The following AOAH variants were observed in gnomAD, a reference collection of about 807,000 sequenced individuals.
The protein encoded by AOAH is acyloxyacyl hydrolase (neutrophil).
Under a neutral mutation model 92.2 loss-of-function variants are expected in AOAH, and 64 were observed. That is an observed-to-expected ratio of 0.69 (90% CI 0.57 to 0.86). AOAH has a LOEUF of 0.86. Ranked by LOEUF, AOAH falls within the 40% of genes least tolerant of loss-of-function variation. AOAH has a pLI of 0.00. For synonymous variants in AOAH, 263 were observed against 254.5 expected (o/e 1.03, Z -0.32); for missense variants, 656 against 694.6 (o/e 0.94, Z 0.62).
chr7:36,660,594 G>C (rs1372358233), intron 3 of AOAH, among the ~76,000 whole-genome samples: 1 of 152,216 alleles, frequency 6.6e-6, no homozygotes, highest in Non-Finnish European at 1.5e-5. Flanking sequence ...TGGGATTATA[G>C]GCATGAGCCA....
intron 2 of AOAH, among the ~76,000 whole-genome samples, chr7:36,674,438 C>G (rs1796116232): frequency 6.6e-6 from 1 of 152,184 alleles, no homozygotes; most frequent in Admixed American, 6.5e-5. Context: ...AAATACTTCA[C>G]TTGGGGTCCT....
At chr7:36,723,778 C>T (rs1038793799) in intron 1 of AOAH, among the ~76,000 whole-genome samples, 2 of 152,062 alleles carry the variant, frequency 1.3e-5, no homozygotes, top group African/African-American at 2.4e-5. Context: ...AAATTCCAAT[C>T]GCCAATGAGG....
chr7:36,553,001 G>T (rs1462238903), intron 13 of AOAH, among the ~76,000 whole-genome samples: 1 of 149,964 alleles, frequency 6.7e-6, no homozygotes, highest in Non-Finnish European at 1.5e-5. Context: ...TAAGTTTTAG[G>T]GTACATGTGC....
intron 1 of AOAH, among the ~76,000 whole-genome samples, chr7:36,714,881 G>A (rs1299350921): frequency 2.0e-5 from 3 of 152,132 alleles, no homozygotes; most frequent in East Asian, 3.9e-4. Flanking sequence ...ATACTGAATG[G>A]GCAAAAACTG....
At chr7:36,700,929 G>A (rs1797990796) in intron 1 of AOAH, among the ~76,000 whole-genome samples, 1 of 151,996 alleles carries the variant, frequency 6.6e-6, no homozygotes, top group Non-Finnish European at 1.5e-5. Flanking sequence ...TTTCTCTGAA[G>A]ATTAGTGATG....
intron 11 of AOAH, among the ~76,000 whole-genome samples, chr7:36,604,807 C>G (rs1172865150): frequency 6.6e-6 from 1 of 151,978 alleles, no homozygotes; most frequent in Non-Finnish European, 1.5e-5. Context: ...GACTCTGTGA[C>G]CACAGCTGAG....
rs1482618250 is a variant in AOAH at position 36,516,055 on chromosome 7, CACACACT to C, written c.1600-2682_1600-2676del. 6.8e-6 allele frequency among the ~76,000 whole-genome samples: 1 copy of C among 146,540 alleles called. No homozygotes were observed. The highest frequency in any genetic ancestry group is 2.1e-4 in the East Asian group (1 of 4,782). On this transcript the variant is annotated intron_variant, in intron 20 of 20. Transcript: ENST00000617537. This position sits in a 1 kb window ranked among gnomAD's most constrained non-coding sequence, Gnocchi z 5.0. ...ATAAATACGTCACACACACACACAC[CACACACT>C]ACACACACCACACGCCACATACACA...
chr7:36,674,476 T>C (rs951686908), intron 2 of AOAH, among the ~76,000 whole-genome samples: 2 of 152,208 alleles, frequency 1.3e-5, no homozygotes, highest in Non-Finnish European at 2.9e-5. Flanking sequence ...ATCCCAGAGG[T>C]AAAAGGAGAT....
chr7:36,518,026 A>AAGTCG (rs1160655256), intron 20 of AOAH, among the ~76,000 whole-genome samples: 2 of 151,764 alleles, frequency 1.3e-5, no homozygotes, highest in African/African-American at 4.8e-5. Flanking sequence ...GCTCTTATTG[A>AAGTCG]AGTCGAATTT....
chr7:36,716,856 G>A (rs1202239247), intron 1 of AOAH, among the ~76,000 whole-genome samples: 2 of 151,936 alleles, frequency 1.3e-5, no homozygotes, highest in Non-Finnish European at 1.5e-5. Flanking sequence ...ATAGCATTAG[G>A]AGATATACCT....
chr7:36,518,367 C>T (rs189977799), intron 20 of AOAH, among the ~76,000 whole-genome samples: 356 of 152,282 alleles, frequency 2.3e-3, no homozygotes, highest in African/African-American at 8.4e-3. Context: ...ACCACCACGC[C>T]TGGCTAATTT....
intron 2 of AOAH, among the ~76,000 whole-genome samples, chr7:36,684,785 G>A (rs1238357011): frequency 6.6e-6 from 1 of 151,420 alleles, no homozygotes; most frequent in Non-Finnish European, 1.5e-5. Flanking sequence ...TGGTGCTGGT[G>A]TGATGCTGTG....
intron 1 of AOAH, among the ~76,000 whole-genome samples, chr7:36,696,566 T>C (rs1219441379): frequency 2.0e-5 from 3 of 152,086 alleles, no homozygotes. Context: ...GGTGCTAATA[T>C]AAATAAAAAA....
Position 36,724,333 on chromosome 7 carries a change from A to G in AOAH, c.-185T>C, listed in dbSNP as rs572785642. ...GTGTGAAGTGAATAAAAGCACACAT[A>G]AACACTCACAGACCCACAGCTTGCT... On this transcript the variant is annotated 5_prime_UTR_variant, in exon 1 of 21. Transcript: ENST00000617537. The G allele has an allele frequency of 1.3e-5, 7 of 547,820 alleles. No homozygotes were observed. The highest frequency in any genetic ancestry group is 1.2e-4 in the African/African-American group (6 of 52,034). 33.9% of individuals were successfully genotyped at this position (547,820 alleles called of 1,614,324 possible). A position where few individuals can be genotyped will look rare whatever the true frequency, so the allele number is the denominator to read the frequency against.
intron 11 of AOAH, among the ~76,000 whole-genome samples, chr7:36,608,113 C>T (rs537903288): frequency 9.2e-5 from 14 of 152,350 alleles, no homozygotes; most frequent in Non-Finnish European, 1.6e-4. Context: ...CCAGGGCCCA[C>T]GCTCTTTCTG....
Position 36,532,360 on chromosome 7 carries a change from G to T in AOAH, c.1307-16C>A. On this transcript the variant is annotated splice_polypyrimidine_tract_variant and intron_variant, in intron 16 of 20. Coordinates refer to ENST00000617537, the MANE Select transcript of AOAH (RefSeq NM_001637.4). ...TTTAGCTGGCCTGGAAAACAGAGAG[G>T]TCTGGTAGATTGCATCCACTCGGCA... is the stretch of plus-strand genomic sequence containing the variant. 1.2e-6 allele frequency: 2 copies of T among 1,612,916 alleles called. No individual in the cohort carries two copies. Among genetic ancestry groups the T allele is most frequent in the Non-Finnish European group, 8.5e-7 (1 of 1,179,804 alleles).
chr7:36,610,347 C>T (rs1458321686), intron 11 of AOAH, among the ~76,000 whole-genome samples: 3 of 151,756 alleles, frequency 2.0e-5, no homozygotes, highest in South Asian at 4.2e-4. Flanking sequence ...CAAACTTGCT[C>T]TTCTTGTAAC....
At chr7:36,570,237 T>C (rs375169690) in intron 13 of AOAH, among the ~76,000 whole-genome samples, 1 of 151,920 alleles carries the variant, frequency 6.6e-6, no homozygotes, top group Non-Finnish European at 1.5e-5. Context: ...ACTACTTAGA[T>C]GGCTCATGTA....
chr7:36,660,896 TTAAGTATAAACTCTACTTATATACTTCTA>T (rs1277841801), intron 3 of AOAH: 3 of 152,198 alleles, frequency 2.0e-5, no homozygotes, highest in African/African-American at 4.8e-5. Context: ...ATATACTTCT[TTAAGTATAAACTCTACTTATATACTTCTA>T]TAAGTATAAA....
Sources: allele counts gnomAD v4.1 joint callset (sites outside exome capture counted in the v4.1 genomes callset), GRCh38; gene constraint gnomAD v4.1.1; non-coding constraint Gnocchi (gnomAD v3.1); transcripts MANE v1.5; gene names NCBI Gene and HGNC (gene_info 2026-07-23, HGNC 2026-07-21).